The following FAM81A variants were observed in gnomAD, a reference collection of about 807,000 sequenced individuals.
FAM81A encodes the protein family with sequence similarity 81 member A.
A neutral mutation model predicts 46.7 loss-of-function variants in FAM81A; 19 were observed. That is an observed-to-expected ratio of 0.41 (90% confidence interval 0.28 to 0.60). The LOEUF (loss-of-function observed/expected upper bound fraction) is 0.60. Ranked by LOEUF, FAM81A falls within the 20% of genes least tolerant of loss-of-function variation. The probability of loss-of-function intolerance (pLI) is 0.34; values close to 1 mark genes in which losing one functional copy is unlikely to be tolerated. For synonymous variants in FAM81A, 183 were observed against 152.9 expected (o/e 1.20, Z -1.45); for missense variants, 377 against 453.5 (o/e 0.83, Z 1.53).
At chr15:59,438,173 G>T (rs1361806949), upstream of FAM81A, 1 of 146,286 alleles carries the variant, frequency 6.8e-6, no homozygotes, top group Non-Finnish European at 1.5e-5. Flanking sequence ...GGCGCTCCCC[G>T]CGGCGCGGGC....
At chr15:59,485,215 CCTGGCTGG>C (rs1369360067) in intron 3 of FAM81A, among the ~76,000 whole-genome samples, 1 of 152,214 alleles carries the variant, frequency 6.6e-6, no homozygotes, top group African/African-American at 2.4e-5. Context: ...AGGACACAAG[CCTGGCTGG>C]CTTCACCACT....
intron 2 of FAM81A, among the ~76,000 whole-genome samples, chr15:59,419,467 G>T (rs1174254929): frequency 2.6e-5 from 4 of 152,176 alleles, no homozygotes; most frequent in African/African-American, 4.8e-5. Flanking sequence ...TCATAGGAAA[G>T]AACTCATTCT....
chr15:59,497,800 C>T (rs2082049745), intron 4 of FAM81A, among the ~76,000 whole-genome samples: 1 of 152,120 alleles, frequency 6.6e-6, no homozygotes, highest in Admixed American at 6.6e-5. Context: ...CACTGCACTT[C>T]AACCAGGGTG....
At chr15:59,467,193 C>CT (rs1236140530) in intron 3 of FAM81A, among the ~76,000 whole-genome samples, 6 of 152,054 alleles carry the variant, frequency 3.9e-5, no homozygotes, top group Non-Finnish European at 8.8e-5. Context: ...AATTCAGGCT[C>CT]TTTTTTGGTT....
chr15:59,452,793 A>C (rs1199030235), intron 1 of FAM81A, among the ~76,000 whole-genome samples: 1 of 152,200 alleles, frequency 6.6e-6, no homozygotes, highest in South Asian at 2.1e-4. Context: ...ACAGGATCTC[A>C]CTCTGTCACC....
At chr15:59,452,761 A>G (rs1352153761) in intron 1 of FAM81A, among the ~76,000 whole-genome samples, 2 of 152,124 alleles carry the variant, frequency 1.3e-5, no homozygotes, top group Non-Finnish European at 2.9e-5. Context: ...AAGTATTATT[A>G]TATTATATTA....
intron 7 of FAM81A, among the ~76,000 whole-genome samples, chr15:59,516,010 G>T (rs1176137317): frequency 1.3e-5 from 2 of 152,128 alleles, no homozygotes; most frequent in South Asian, 2.1e-4. Context: ...AGCCATTCTG[G>T]CTGAATTCCA....
chr15:59,407,765 G>T (rs1010627942), intron 2 of FAM81A: 4 of 226,212 alleles, frequency 1.8e-5, no homozygotes, highest in Non-Finnish European at 3.4e-5. Flanking sequence ...CTCTTAGTGG[G>T]GAAGTCCCCT....
intron 8 of FAM81A, among the ~76,000 whole-genome samples, chr15:59,519,127 T>TAAA: frequency 6.6e-6 from 1 of 152,184 alleles, no homozygotes; most frequent in South Asian, 2.1e-4. Flanking sequence ...ATCTCCCCAT[T>TAAA]TCCTCCTCTT....
intron 3 of FAM81A, among the ~76,000 whole-genome samples, chr15:59,488,103 A>G (rs2081940983): frequency 6.6e-6 from 1 of 152,222 alleles, no homozygotes; most frequent in Non-Finnish European, 1.5e-5. Context: ...CAGGGATGCA[A>G]AGATGGTTCA....
At position 59,458,602 on chromosome 15, in the gene FAM81A, G is replaced by C; in HGVS notation, c.-25G>C. 6.2e-7 allele frequency: 1 copy of C among 1,613,790 alleles called. No individual in the cohort carries two copies. Among genetic ancestry groups the C allele is most frequent in the Non-Finnish European group, 8.5e-7 (1 of 1,179,788 alleles). The stretch of plus-strand genomic sequence containing the variant: ...CAACGGAGCACTGTATTTCCTTCTC[G>C]TGTCACCAAGGAAAGGTATAATATA... On this transcript the variant is annotated 5_prime_UTR_variant, in exon 2 of 9. Transcript: ENST00000288228.
chr15:59,465,080 C>T (rs1185367046), intron 3 of FAM81A, among the ~76,000 whole-genome samples: 4 of 152,184 alleles, frequency 2.6e-5, no homozygotes, highest in Non-Finnish European at 2.9e-5. Context: ...GTCTTTCCCT[C>T]AATGAGTATT....
At chr15:59,505,608 T>C (rs1475831848) in intron 4 of FAM81A, among the ~76,000 whole-genome samples, 2 of 151,992 alleles carry the variant, frequency 1.3e-5, no homozygotes, top group Non-Finnish European at 2.9e-5. Context: ...TGCCTGGAAG[T>C]GGATGTACAC....
chr15:59,401,721 C>T (rs2081071224), intron 1 of FAM81A: 3 of 775,080 alleles, frequency 3.9e-6, no homozygotes, highest in African/African-American at 1.7e-5. Flanking sequence ...GATTGTCCCT[C>T]TCTGTCCAGC....
intron 2 of FAM81A, among the ~76,000 whole-genome samples, chr15:59,411,345 C>T (rs1468821673): frequency 6.6e-6 from 1 of 152,104 alleles, no homozygotes; most frequent in African/African-American, 2.4e-5. Flanking sequence ...AGTATCAATC[C>T]ATAGCAGAAA....
chr15:59,423,139 C>T (rs557496788), intron 2 of FAM81A, among the ~76,000 whole-genome samples: 5 of 152,132 alleles, frequency 3.3e-5, no homozygotes, highest in Non-Finnish European at 4.4e-5. Flanking sequence ...GCACTGTCGC[C>T]CAGGCTGGAG....
At chr15:59,419,372 C>T (rs760508853) in intron 2 of FAM81A, among the ~76,000 whole-genome samples, 5 of 152,130 alleles carry the variant, frequency 3.3e-5, no homozygotes, top group Non-Finnish European at 5.9e-5. Context: ...CCTGTTTCCT[C>T]CCTAGAAACT....
chr15:59,449,057 T>C (rs545021713), intron 1 of FAM81A, among the ~76,000 whole-genome samples: 15 of 152,324 alleles, frequency 9.8e-5, no homozygotes, highest in African/African-American at 3.4e-4. Flanking sequence ...TTTATAGAAA[T>C]GTTGCTATCT....
chr15:59,460,237 TCC>T lies in FAM81A; in HGVS notation c.294+33_294+34del. 3.1e-6 allele frequency: 5 copies of T among 1,613,868 alleles called. No homozygotes were observed. Among genetic ancestry groups the T allele is most frequent in the Non-Finnish European group, 2.5e-6 (3 of 1,179,882 alleles). ...GTTTGTGAAAGTCAGGTGGCCTATG[TCC>T]CTTTCCACAGAATTGCTCCATGTCA... On this transcript the variant is annotated intron_variant, in intron 3 of 8. Coordinates refer to ENST00000288228, the MANE Select transcript of FAM81A (RefSeq NM_152450.3). This position sits in a 1 kb window ranked among gnomAD's most constrained non-coding sequence, Gnocchi z 4.4.
Sources: allele counts gnomAD v4.1 joint callset (sites outside exome capture counted in the v4.1 genomes callset), GRCh38; gene constraint gnomAD v4.1.1; non-coding constraint Gnocchi (gnomAD v3.1); transcripts MANE v1.5; gene names NCBI Gene and HGNC (gene_info 2026-07-23, HGNC 2026-07-21).